The following RYR2 variants were observed in gnomAD, a reference collection of about 807,000 sequenced individuals.
The protein encoded by RYR2 is ryanodine receptor 2.
Under a neutral mutation model 601.1 loss-of-function variants are expected in RYR2, and 227 were observed. The ratio of observed to expected loss-of-function variants is 0.38; its 90% confidence interval spans 0.34 to 0.42. RYR2 has a LOEUF of 0.42. RYR2 is among the 10% of genes least tolerant of loss of function. The probability of loss-of-function intolerance (pLI) is 1.00; values close to 1 mark genes in which losing one functional copy is unlikely to be tolerated. For missense variants in RYR2, 4,646 were observed against 6,156.5 expected (o/e 0.75, Z 8.21); for synonymous variants, 2,223 against 2,175.1 (o/e 1.02, Z -0.61).
intron 12 of RYR2, among the ~76,000 whole-genome samples, chr1:237,440,179 A>G (rs916928960): frequency 6.6e-6 from 1 of 152,212 alleles, no homozygotes. Context: ...TTAATTATTA[A>G]TACATTATGC....
chr1:237,388,071 T>C lies in RYR2; in HGVS notation c.677-16T>C. ...ACACTGACAGTCCAGACCTGAATGA[T>C]TTTTTATCCTTACAGGGTATCTCAT... On this transcript the variant is annotated splice_polypyrimidine_tract_variant and intron_variant, in intron 9 of 104. Transcript: ENST00000366574. The C allele has an allele frequency of 6.2e-7, 1 of 1,609,484 alleles. No homozygotes were observed. The highest frequency in any genetic ancestry group is 8.5e-7 in the Non-Finnish European group (1 of 1,176,392).
intron 1 of RYR2, among the ~76,000 whole-genome samples, chr1:237,090,987 A>T (rs1378759954): frequency 6.6e-6 from 1 of 152,208 alleles, no homozygotes; most frequent in South Asian, 2.1e-4. Flanking sequence ...AAAATTATGT[A>T]CTTGTGTTTA....
intron 17 of RYR2, among the ~76,000 whole-genome samples, chr1:237,478,115 A>G (rs11577191): frequency 0.51 from 77,671 of 152,032 alleles, 20,967 homozygotes; most frequent in East Asian, 0.77. Flanking sequence ...CTACTATTTC[A>G]TTATCAAAAA....
In RYR2 at chr1:237,529,443, A is replaced by G. The variant is rs181420411; in HGVS notation, c.2823-984A>G. ...TTATATGTATCTGTCTAAATGGTTA[A>G]GCTTATACATATAGATACTTGTCTA... On this transcript the variant is annotated intron_variant, in intron 24 of 104. Coordinates refer to ENST00000366574, the MANE Select transcript of RYR2 (RefSeq NM_001035.3). Among the ~76,000 whole-genome samples the G allele has an allele frequency of 7.6e-4, 115 of 152,246 alleles. 1 individual carries two copies. Among genetic ancestry groups the G allele is most frequent in the African/African-American group, 2.6e-3 (107 of 41,544 alleles).
chr1:237,094,285 G>A (rs77004232), intron 1 of RYR2, among the ~76,000 whole-genome samples: 4,637 of 152,282 alleles, frequency 0.03, 92 homozygotes, highest in East Asian at 0.084. Flanking sequence ...TTCTATGGGG[G>A]CTCAGTTGTA....
chr1:237,449,713 AT>A (rs1392653939), intron 14 of RYR2, among the ~76,000 whole-genome samples: 2 of 151,026 alleles, frequency 1.3e-5, no homozygotes, highest in Non-Finnish European at 3.0e-5. Flanking sequence ...TTTTGCCTTC[AT>A]TTTAAGTGAT....
At chr1:237,822,773 T>C (rs1322256479) in intron 101 of RYR2, among the ~76,000 whole-genome samples, 1 of 152,194 alleles carries the variant, frequency 6.6e-6, no homozygotes, top group Admixed American at 6.5e-5. Flanking sequence ...ATGTGCTGTA[T>C]GCAGGAGACC....
At chr1:237,469,903 C>T (rs1393825190) in intron 17 of RYR2, among the ~76,000 whole-genome samples, 1 of 152,196 alleles carries the variant, frequency 6.6e-6, no homozygotes, top group East Asian at 1.9e-4. Flanking sequence ...GGAGACTTAT[C>T]AATGACTGTG....
At chr1:237,674,244 C>T (rs749329506) in intron 59 of RYR2, 25 bp downstream of exon 59, 3 of 1,568,328 alleles carry the variant, frequency 1.9e-6, no homozygotes, top group East Asian at 4.5e-5. Flanking sequence ...ACCCTAAGTA[C>T]ACACTCTTTT....
At chr1:237,312,745 A>G (rs1421222787) in intron 2 of RYR2, among the ~76,000 whole-genome samples, 1 of 152,246 alleles carries the variant, frequency 6.6e-6, no homozygotes, top group African/African-American at 2.4e-5. Context: ...TAGAAATATG[A>G]AAGTGAAATG....
chr1:237,451,172 G>A (rs1403519131), intron 14 of RYR2, among the ~76,000 whole-genome samples: 2 of 152,218 alleles, frequency 1.3e-5, no homozygotes, highest in African/African-American at 4.8e-5. Context: ...CAAGGTGGGT[G>A]GATCACTTGA....
At chr1:237,379,618 G>A (rs1239222810) in intron 8 of RYR2, among the ~76,000 whole-genome samples, 2 of 151,944 alleles carry the variant, frequency 1.3e-5, no homozygotes, top group Non-Finnish European at 2.9e-5. Flanking sequence ...ACATTTTATT[G>A]TTTTTTTTAT....
intron 1 of RYR2, among the ~76,000 whole-genome samples, chr1:237,255,115 G>T (rs1052747625): frequency 3.3e-5 from 5 of 152,158 alleles, no homozygotes; most frequent in Non-Finnish European, 7.3e-5. Flanking sequence ...TGCCAACTGG[G>T]AAATTCAGAT....
At chr1:237,228,469 C>A (rs1226027679) in intron 1 of RYR2, among the ~76,000 whole-genome samples, 2 of 152,186 alleles carry the variant, frequency 1.3e-5, no homozygotes, top group Admixed American at 6.5e-5. Flanking sequence ...ATAATGCCTT[C>A]TTTTCCTCTG....
chr1:237,491,434 CTT>C (rs1663326808), intron 17 of RYR2, among the ~76,000 whole-genome samples: 1 of 152,172 alleles, frequency 6.6e-6, no homozygotes, highest in African/African-American at 2.4e-5. Flanking sequence ...ACGTTCAAGA[CTT>C]TACTCATGCA....
chr1:237,110,388 T>C (rs1669326913), intron 1 of RYR2, among the ~76,000 whole-genome samples: 1 of 151,420 alleles, frequency 6.6e-6, no homozygotes, highest in African/African-American at 2.4e-5. Context: ...TAGCATTAGG[T>C]ATATCTCCTA....
At chr1:237,515,198 A>G (rs1666297185) in intron 24 of RYR2, among the ~76,000 whole-genome samples, 1 of 152,194 alleles carries the variant, frequency 6.6e-6, no homozygotes, top group African/African-American at 2.4e-5. Flanking sequence ...TGACCCTCAA[A>G]TGTGACCAGT....
At chr1:237,818,136 A>G (rs1198707494) in intron 100 of RYR2, among the ~76,000 whole-genome samples, 3 of 152,180 alleles carry the variant, frequency 2.0e-5, no homozygotes, top group Non-Finnish European at 4.4e-5. Context: ...GTTGGAACTT[A>G]GCTTAAATGA....
At chr1:237,051,797 G>A (rs575333496) in intron 1 of RYR2, among the ~76,000 whole-genome samples, 4 of 152,268 alleles carry the variant, frequency 2.6e-5, no homozygotes, top group East Asian at 1.9e-4. Flanking sequence ...GCAGTGGAGC[G>A]ACAGTTTCAG....
Sources: allele counts gnomAD v4.1 joint callset (sites outside exome capture counted in the v4.1 genomes callset), GRCh38; gene constraint gnomAD v4.1.1; transcripts MANE v1.5; gene names NCBI Gene and HGNC (gene_info 2026-07-23, HGNC 2026-07-21).